Variants in TTC7B observed in about 807,000 individuals in gnomAD.
TTC7B encodes tetratricopeptide repeat domain 7B.
A neutral mutation model predicts 106.8 loss-of-function variants in TTC7B; 28 were observed. That is an observed-to-expected ratio of 0.26 (90% CI 0.19 to 0.36). TTC7B has a LOEUF of 0.36. Ranked by LOEUF, TTC7B falls within the 10% of genes least tolerant of loss-of-function variation. The pLI is 1.00. For missense variants in TTC7B, 862 were observed against 1,076.4 expected, an observed-to-expected ratio of 0.80 and a Z score of 2.79; for synonymous variants, 405 against 430.6, an observed-to-expected ratio of 0.94 and a Z score of 0.74.
intron 5 of TTC7B, among the ~76,000 whole-genome samples, chr14:90,711,614 G>A (rs142541057): frequency 3.4e-3 from 520 of 152,296 alleles, no homozygotes; most frequent in African/African-American, 0.012. Flanking sequence ...TGAAGACGGG[G>A]TTTTGCCATG....
rs1452215210 is a variant in TTC7B at position 90,658,119 on chromosome 14, ATAAGTCCATC to A, written c.1236+175_1236+184del. On this transcript the variant is annotated intron_variant, in intron 10 of 19. Coordinates refer to ENST00000328459, the MANE Select transcript of TTC7B (RefSeq NM_001010854.2). ...TATTTCAGAATTTTTCTTCTCAGTG[ATAAGTCCATC>A]TTGGCTCCCCAAACAATTAAATCTG... The A allele has an allele frequency of 2.8e-5, 17 of 597,484 alleles. No individual in the cohort carries two copies. The South Asian group carries it at 2.9e-4, about 10-fold the overall frequency. The allele number at this position is 597,484 out of a possible 1,614,324, so 37.0% of individuals were successfully genotyped here.
At chr14:90,573,914 T>C (rs554502237) in intron 19 of TTC7B, among the ~76,000 whole-genome samples, 1 of 152,334 alleles carries the variant, frequency 6.6e-6, no homozygotes, top group South Asian at 2.1e-4. Flanking sequence ...TTGGCTCCCT[T>C]CCATGTTCTT....
At chr14:90,656,823 G>T (rs1175452819) in intron 11 of TTC7B, among the ~76,000 whole-genome samples, 1 of 152,194 alleles carries the variant, frequency 6.6e-6, no homozygotes, top group Admixed American at 6.5e-5. Flanking sequence ...ACCAGGTTCA[G>T]CCAGGGATGC....
At chr14:90,612,469 T>C (rs1892913001) in intron 16 of TTC7B, among the ~76,000 whole-genome samples, 1 of 152,204 alleles carries the variant, frequency 6.6e-6, no homozygotes, top group South Asian at 2.1e-4. Flanking sequence ...ACCTTGGGGA[T>C]TCCAAGACAC....
At chr14:90,803,785 C>A (rs2140059107) in intron 1 of TTC7B, among the ~76,000 whole-genome samples, 1 of 150,260 alleles carries the variant, frequency 6.7e-6, no homozygotes, top group Admixed American at 6.7e-5. Flanking sequence ...TTCCGCTACA[C>A]TGGCAGAAGA....
chr14:90,665,032 C>G (rs1595260875), intron 9 of TTC7B, among the ~76,000 whole-genome samples: 1 of 152,090 alleles, frequency 6.6e-6, no homozygotes, highest in East Asian at 1.9e-4. Flanking sequence ...GATTCTGGCC[C>G]CTTTTCCACT....
intron 18 of TTC7B, chr14:90,585,772 T>A (rs1891685636): frequency 2.6e-5 from 4 of 152,320 alleles, no homozygotes; most frequent in Admixed American, 2.6e-4. Context: ...TCCAGAGGGA[T>A]TCTTCTTGCA....
rs1001961515 is a variant in TTC7B at position 90,542,219 on chromosome 14, G to A, written c.2311-630C>T. ...CTCCCAAAGTGCTGGGATTACAGGCGTGAGCCACAGGGCCTGGCCTGTCGT... is the reference window on the plus strand; with the variant it reads ...CTCCCAAAGTGCTGGGATTACAGGCATGAGCCACAGGGCCTGGCCTGTCGT... On this transcript the variant is annotated intron_variant, in intron 19 of 19. Transcript: ENST00000328459. Among the ~76,000 whole-genome samples, 6 of 152,176 alleles carry A rather than the reference G, an allele frequency of 3.9e-5. No individual in the cohort carries two copies. In the East Asian group the frequency reaches 9.7e-4, roughly 24 times the overall value.
At chr14:90,730,289 A>T in intron 4 of TTC7B, 93 bp from the exon 5 acceptor site, 1 of 1,451,176 alleles carries the variant, frequency 6.9e-7, no homozygotes, top group Non-Finnish European at 9.2e-7. Context: ...CGACCTAAAA[A>T]ACCAACTTCC....
chr14:90,676,743 C>T, intron 8 of TTC7B, 83 bp from the exon 9 acceptor site: 1 of 1,485,364 alleles, frequency 6.7e-7, no homozygotes. Flanking sequence ...CCTCCTGCCC[C>T]TACCAATTTG....
rs976491035 is a variant in TTC7B at position 90,538,713 on chromosome 14, G to A, written c.*2655C>T. 4 of 152,204 alleles carry A rather than the reference G, an allele frequency of 2.6e-5. No homozygotes were observed. The highest frequency in any genetic ancestry group is 9.7e-5 in the African/African-American group (4 of 41,428). The allele number at this position is 152,204 out of a possible 1,614,324, so 9.4% of individuals were successfully genotyped here. ...GAGTCTGGAAGAGTGCCCAAGGGGG[G>A]AGTACCAAGGACGGCAGGACTTTCC... is the stretch of plus-strand genomic sequence containing the variant. On this transcript the variant is annotated 3_prime_UTR_variant, in exon 20 of 20. Transcript: ENST00000328459.
intron 5 of TTC7B, among the ~76,000 whole-genome samples, chr14:90,709,610 A>C (rs183883139): frequency 6.6e-6 from 1 of 151,610 alleles, no homozygotes; most frequent in Non-Finnish European, 1.5e-5. Context: ...TGGGTGCAGC[A>C]CACCAACATG....
At chr14:90,777,426 T>C (rs559613396) in intron 3 of TTC7B, among the ~76,000 whole-genome samples, 6 of 152,196 alleles carry the variant, frequency 3.9e-5, no homozygotes, top group African/African-American at 1.4e-4. Context: ...TCCCCTAACA[T>C]AGTGCTGGCC....
rs1260066368 is a variant in TTC7B, at chr14:90,795,153, AC to A, written c.122-8826del. The stretch of plus-strand genomic sequence containing the variant: ...AACAAGATCAAAACATTAAAGCTAG[AC>A]TTTTACTTCCAGCCAAGAAAGAGTA... On this transcript the variant is annotated intron_variant, in intron 1 of 19. Coordinates refer to ENST00000328459, the MANE Select transcript of TTC7B (RefSeq NM_001010854.2). 3.2e-4 allele frequency among the ~76,000 whole-genome samples: 49 copies of A among 152,230 alleles called. 1 individual carries two copies. The highest frequency in any genetic ancestry group is 1.1e-3 in the African/African-American group (45 of 41,544).
intron 3 of TTC7B, among the ~76,000 whole-genome samples, chr14:90,746,670 T>C (rs1393617663): frequency 6.6e-6 from 1 of 152,220 alleles, no homozygotes; most frequent in East Asian, 1.9e-4. Flanking sequence ...TGGAAATTAT[T>C]AATTTTGGAC....
intron 5 of TTC7B, chr14:90,699,022 G>A (rs904392971): frequency 6.5e-5 from 23 of 351,402 alleles, no homozygotes; most frequent in African/African-American, 5.1e-4. Context: ...TCCAGGGCTT[G>A]TCTGCTGATT....
chr14:90,780,451 GAAAAGAAAGAAAGAAAGA>G (rs1891176217), intron 3 of TTC7B, among the ~76,000 whole-genome samples: 3 of 112,362 alleles, frequency 2.7e-5, no homozygotes, highest in South Asian at 5.6e-4. Flanking sequence ...GAGAAGGAAA[GAAAAGAAAGAAAGAAAGA>G]AAAAGAAAGA....
At chr14:90,659,213 T>TTG (rs148678143) in intron 9 of TTC7B, among the ~76,000 whole-genome samples, 236 of 146,714 alleles carry the variant, frequency 1.6e-3, no homozygotes, top group East Asian at 0.014. Flanking sequence ...ACGAGTGTGA[T>TTG]TGTGTGTGTG....
chr14:90,606,657 G>A (rs1227407397), intron 17 of TTC7B, among the ~76,000 whole-genome samples: 1 of 152,188 alleles, frequency 6.6e-6, no homozygotes, highest in Non-Finnish European at 1.5e-5. Context: ...GCAGAGGTGG[G>A]AGGAAGGGAC....
Sources: gnomAD v4.1 joint callset for allele counts (sites outside exome capture counted in the v4.1 genomes callset) on GRCh38, gnomAD v4.1.1 for gene constraint, MANE v1.5 for transcripts, NCBI Gene and HGNC (gene_info 2026-07-23, HGNC 2026-07-21) for gene names.